The following UBAP1 variants were observed in gnomAD, a reference collection of about 807,000 sequenced individuals.
UBAP1 encodes ubiquitin-associated protein 1.
UBAP1 carries 5 observed loss-of-function variants against 39.0 expected under a neutral mutation model. The ratio of observed to expected loss-of-function variants is 0.13; its 90% confidence interval spans 0.07 to 0.27. UBAP1 has a LOEUF of 0.27. UBAP1 is among the 10% of genes least tolerant of loss of function. The probability of loss-of-function intolerance (pLI) is 1.00; values close to 1 mark genes in which losing one functional copy is unlikely to be tolerated. For missense variants in UBAP1, 490 were observed against 608.1 expected (o/e 0.81, Z 2.04); for synonymous variants, 211 against 225.1 (o/e 0.94, Z 0.56).
intron 1 of UBAP1, among the ~76,000 whole-genome samples, chr9:34,218,250 C>CAA (rs758443973): frequency 2.2e-4 from 11 of 49,522 alleles, no homozygotes; most frequent in East Asian, 5.7e-4. Flanking sequence ...GACTCCATCT[C>CAA]AAAAAAAAAA....
intron 2 of UBAP1, among the ~76,000 whole-genome samples, chr9:34,229,517 A>C (rs1297495549): frequency 6.6e-6 from 1 of 150,660 alleles, no homozygotes; most frequent in African/African-American, 2.4e-5. Flanking sequence ...CAGCCTCCCA[A>C]AGTGCTGGGA....
intron 1 of UBAP1, among the ~76,000 whole-genome samples, chr9:34,209,024 T>C (rs1332246765): frequency 6.6e-6 from 1 of 151,862 alleles, no homozygotes; most frequent in Non-Finnish European, 1.5e-5. Flanking sequence ...AACCTCCGCT[T>C]CCTGGGTTCA....
intron 1 of UBAP1, among the ~76,000 whole-genome samples, chr9:34,218,288 A>AAAAAAAAAAAAAACAAC (rs1832456862): frequency 8.3e-6 from 1 of 120,782 alleles, no homozygotes. Context: ...AAAAAAAAAA[A>AAAAAAAAAAAAAACAAC]AAAAAAGCCA....
intron 1 of UBAP1, among the ~76,000 whole-genome samples, chr9:34,217,078 C>T (rs4878557): frequency 0.7 from 106,318 of 151,714 alleles, 39,278 homozygotes; most frequent in East Asian, 0.95. Context: ...ACTCTCTACT[C>T]TTTTGGGAAG....
chr9:34,235,838 T>C (rs1833672249), intron 3 of UBAP1, among the ~76,000 whole-genome samples: 1 of 151,578 alleles, frequency 6.6e-6, no homozygotes, highest in Admixed American at 6.6e-5. Flanking sequence ...TTTTTTTTTT[T>C]TTTCTTTTTT....
intron 2 of UBAP1, among the ~76,000 whole-genome samples, chr9:34,225,636 C>T (rs1483059816): frequency 2.6e-5 from 4 of 151,700 alleles, no homozygotes; most frequent in African/African-American, 4.8e-5. Context: ...AAAAATTAGC[C>T]GAGCATGGTG....
chr9:34,181,351 C>G (rs888450336), intron 1 of UBAP1, among the ~76,000 whole-genome samples: 2 of 148,738 alleles, frequency 1.3e-5, no homozygotes, highest in African/African-American at 5.0e-5. Context: ...CTGCTGACCT[C>G]GTGATCCACC....
intron 1 of UBAP1, among the ~76,000 whole-genome samples, chr9:34,200,225 GTATT>G (rs1831293092): frequency 6.6e-6 from 1 of 152,156 alleles, no homozygotes; most frequent in Admixed American, 6.6e-5. Context: ...ATGGACTTGA[GTATT>G]TAGTTTATAT....
intron 1 of UBAP1, among the ~76,000 whole-genome samples, chr9:34,215,600 T>C (rs1352482354): frequency 4.0e-5 from 6 of 151,824 alleles, no homozygotes; most frequent in African/African-American, 1.5e-4. Context: ...GCTCGGGTGA[T>C]GGGTGCACCG....
Position 34,250,663 on chromosome 9 carries a change from C to A in UBAP1, c.1272C>A (p.Leu424=). The change falls in exon 6 of 7, where the codon CTC becomes CTA. Residue 424 remains leucine, a synonymous_variant. Transcript: ENST00000297661. Reference sequence around the variant, plus strand: ...CCCCTTGTTTCTTTTCTTAGATTCTCGACTATCTCTTTGCACATGGACAGC... The same window carrying A: ...CCCCTTGTTTCTTTTCTTAGATTCTAGACTATCTCTTTGCACATGGACAGC... ...KKKGENIEQI[L]DYLFAHGQLC... is the part of the protein sequence containing the mutation. 6.2e-7 allele frequency: 1 copy of A among 1,612,382 alleles called. No individual in the cohort carries two copies. The highest frequency in any genetic ancestry group is 1.1e-5 in the South Asian group (1 of 90,992).
chr9:34,213,883 A>G (rs1385427391), intron 1 of UBAP1, among the ~76,000 whole-genome samples: 2 of 151,690 alleles, frequency 1.3e-5, no homozygotes, highest in East Asian at 3.9e-4. Context: ...AACAGTGACC[A>G]AGCAGAGAAT....
At chr9:34,194,566 G>A (rs1004214896) in intron 1 of UBAP1, among the ~76,000 whole-genome samples, 1 of 151,896 alleles carries the variant, frequency 6.6e-6, no homozygotes, top group Non-Finnish European at 1.5e-5. Context: ...CTCCTGCCTC[G>A]GCCTCCCAAA....
chr9:34,215,528 T>C (rs1402489018), intron 1 of UBAP1, among the ~76,000 whole-genome samples: 1 of 119,428 alleles, frequency 8.4e-6, no homozygotes, highest in Admixed American at 8.9e-5. Context: ...TTTGGTGACC[T>C]GGGGGGAAGG....
Position 34,179,243 on chromosome 9 carries a change from G to A in UBAP1, c.-8+3G>A. Reference sequence around the variant, plus strand: ...ACGGCGGCAGCAGCGGCATTCAGGTGAGGGGGGCCTCCCTCTGGGGGAGGG... The same window carrying A: ...ACGGCGGCAGCAGCGGCATTCAGGTAAGGGGGGCCTCCCTCTGGGGGAGGG... On this transcript the variant is annotated splice_donor_region_variant and intron_variant, in intron 1 of 6. Coordinates refer to ENST00000297661, the MANE Select transcript of UBAP1 (RefSeq NM_016525.5). The A allele has an allele frequency of 8.1e-7, 1 of 1,231,302 alleles. No individual in the cohort carries two copies. The highest frequency in any genetic ancestry group is 1.0e-6 in the Non-Finnish European group (1 of 987,342). The allele number at this position is 1,231,302 out of a possible 1,614,324, so 76.3% of individuals were successfully genotyped here.
intron 1 of UBAP1, among the ~76,000 whole-genome samples, chr9:34,210,968 T>C (rs1349960240): frequency 6.6e-6 from 1 of 152,130 alleles, no homozygotes; most frequent in Non-Finnish European, 1.5e-5. Context: ...GATTACTTTA[T>C]ATGTGGTATA....
chr9:34,200,731 T>A (rs571076771), intron 1 of UBAP1, among the ~76,000 whole-genome samples: 1 of 152,318 alleles, frequency 6.6e-6, no homozygotes, highest in South Asian at 2.1e-4. Flanking sequence ...TATTTATTTG[T>A]CTGTTTCTGT....
At chr9:34,232,706 A>G (rs184737313) in intron 2 of UBAP1, among the ~76,000 whole-genome samples, 1 of 152,214 alleles carries the variant, frequency 6.6e-6, no homozygotes, top group Admixed American at 6.5e-5. Flanking sequence ...AGATCTACAC[A>G]GTTTTCGTAA....
intron 2 of UBAP1, among the ~76,000 whole-genome samples, chr9:34,231,176 T>C (rs1410431929): frequency 1.5e-5 from 2 of 135,268 alleles, no homozygotes; most frequent in East Asian, 4.6e-4. Context: ...TGTGTGTGTG[T>C]TGGGGTCGGG....
intron 2 of UBAP1, among the ~76,000 whole-genome samples, chr9:34,221,856 A>T (rs923261043): frequency 1.3e-5 from 2 of 152,204 alleles, no homozygotes; most frequent in Non-Finnish European, 2.9e-5. Context: ...GGAGGTAGCT[A>T]AGAAGTTAAA....
Sources: allele counts gnomAD v4.1 joint callset (sites outside exome capture counted in the v4.1 genomes callset), GRCh38; gene constraint gnomAD v4.1.1; transcripts MANE v1.5; gene names NCBI Gene and HGNC (gene_info 2026-07-23, HGNC 2026-07-21).